Variants in MARK3 observed in about 807,000 individuals in gnomAD.
MARK3 encodes the protein MAP/microtubule affinity-regulating kinase 3.
MARK3 carries 46 observed loss-of-function variants against 90.1 expected under a neutral mutation model. That is an observed-to-expected ratio of 0.51 (90% CI 0.40 to 0.65). The LOEUF (loss-of-function observed/expected upper bound fraction) is 0.65. Among genes scored for constraint, MARK3 ranks in the 30% least tolerant of loss-of-function variants. The pLI is 0.00. For missense variants in MARK3, 818 were observed against 947.2 expected, an observed-to-expected ratio of 0.86 and a Z score of 1.79; for synonymous variants, 321 against 332.6, an observed-to-expected ratio of 0.97 and a Z score of 0.38.
chr14:103,484,806 A>C (rs1328770715), intron 14 of MARK3, among the ~76,000 whole-genome samples: 1 of 151,896 alleles, frequency 6.6e-6, no homozygotes, highest in African/African-American at 2.4e-5. Context: ...CTGTAGTCCC[A>C]GCTACTTGGG....
intron 13 of MARK3, among the ~76,000 whole-genome samples, chr14:103,476,509 TAATATTTACTA>T (rs749060469): frequency 1.5e-5 from 2 of 136,634 alleles, no homozygotes; most frequent in Non-Finnish European, 1.7e-5. Flanking sequence ...AGTAAGTAGA[TAATATTTACTA>T]AATTAAATTG....
At chr14:103,476,079 T>C (rs567442356) in intron 13 of MARK3, among the ~76,000 whole-genome samples, 1 of 152,164 alleles carries the variant, frequency 6.6e-6, no homozygotes, top group African/African-American at 2.4e-5. Flanking sequence ...GGGGACACAT[T>C]CAGAGCATAG....
intron 15 of MARK3, among the ~76,000 whole-genome samples, chr14:103,498,100 C>G (rs940268815): frequency 7.2e-5 from 11 of 152,134 alleles, no homozygotes; most frequent in South Asian, 2.1e-4. Flanking sequence ...GCCTGTGATT[C>G]CAGCTACTCA....
At position 103,473,073 on chromosome 14, in the gene MARK3, C is replaced by T. The variant is rs150107925; in HGVS notation, c.1265-1920C>T. 1.3e-3 allele frequency among the ~76,000 whole-genome samples: 205 copies of T among 151,918 alleles called. 1 individual carries two copies. Among genetic ancestry groups the T allele is most frequent in the African/African-American group, 4.7e-3 (194 of 41,428 alleles). On this transcript the variant is annotated intron_variant, in intron 12 of 17. Transcript: ENST00000429436. ...GATGGATCTCAAGGGAATTATACTGCATGAAAGTACACAAAAGGTTACATT... is the reference window on the plus strand; with the variant it reads ...GATGGATCTCAAGGGAATTATACTGTATGAAAGTACACAAAAGGTTACATT...
chr14:103,491,874 C>G lies in MARK3; in HGVS notation c.1684C>G (p.Arg562Gly). The change falls in exon 15 of 18, where the codon CGT (arginine) becomes GGT (glycine). Residue 562 changes from arginine (R) to glycine (G), a missense_variant. By Grantham distance (125) the Arg-to-Gly change is moderately radical. Transcript: ENST00000429436. ...RIRFPRGTAS[R>G]STFHGQPRER... ...CCGCTTCCCAAGAGGCACTGCCAGT[C>G]GTAGCACTTTCCACGGCCAGCCCCG... 6.2e-7 allele frequency: 1 copy of G among 1,614,186 alleles called. No homozygotes were observed. Among genetic ancestry groups the G allele is most frequent in the Non-Finnish European group, 8.5e-7 (1 of 1,180,038 alleles).
At chr14:103,482,846 C>A (rs1159136182) in intron 14 of MARK3, among the ~76,000 whole-genome samples, 1 of 152,102 alleles carries the variant, frequency 6.6e-6, no homozygotes, top group Non-Finnish European at 1.5e-5. Flanking sequence ...TTGTTGGGGC[C>A]AACTCTTTCA....
intron 14 of MARK3, 46 bp downstream of exon 14, chr14:103,480,536 G>T: frequency 1.7e-6 from 2 of 1,144,706 alleles, no homozygotes; most frequent in Non-Finnish European, 2.6e-6. Context: ...TTTCCCAAGA[G>T]AAATGGAAGC....
At position 103,405,242 on chromosome 14, in the gene MARK3, C is replaced by G; in HGVS notation, c.218C>G (p.Ala73Gly). ...GGGAATTTTGCAAAAGTAAAATTGG[C>G]AAGACATATCCTTACAGGCAGAGAG... Reference protein sequence around the residue: ...GKGNFAKVKLARHILTGREVA... With the variant: ...GKGNFAKVKLGRHILTGREVA... Residue 73 changes from alanine (A) to glycine (G), a missense_variant, in exon 2 of 18, where the codon GCA becomes GGA. Physicochemically the swap from Ala to Gly is moderately conservative, Grantham distance 60. Around this residue, in one of 3 missense-constraint regions of MARK3, gnomAD observed 157 missense variants for 158.7 expected, o/e 0.99. Coordinates refer to ENST00000429436, the MANE Select transcript of MARK3 (RefSeq NM_001128918.3). 1 of 1,561,076 alleles carries G rather than the reference C, an allele frequency of 6.4e-7. No individual in the cohort carries two copies. The highest frequency in any genetic ancestry group is 8.7e-7 in the Non-Finnish European group (1 of 1,155,742).
chr14:103,492,376 T>A (rs1244916886), intron 15 of MARK3, among the ~76,000 whole-genome samples: 1 of 152,090 alleles, frequency 6.6e-6, no homozygotes, highest in Non-Finnish European at 1.5e-5. Flanking sequence ...GGGCTGGCAC[T>A]CTGTAACAAT....
chr14:103,437,838 T>C (rs572882182), intron 3 of MARK3, among the ~76,000 whole-genome samples: 4 of 152,260 alleles, frequency 2.6e-5, no homozygotes, highest in African/African-American at 9.6e-5. Context: ...AGCCATCCTT[T>C]CATTGTAGAG....
chr14:103,488,245 G>A (rs956091909), intron 14 of MARK3, among the ~76,000 whole-genome samples: 1 of 152,132 alleles, frequency 6.6e-6, no homozygotes, highest in Non-Finnish European at 1.5e-5. Flanking sequence ...TCCAGGGCTA[G>A]AGTTACGGTC....
In MARK3 at chr14:103,385,778, C is replaced by A. The variant is rs1009146718; in HGVS notation, c.-252C>A. 6 of 397,520 alleles carry A rather than the reference C, an allele frequency of 1.5e-5. No individual in the cohort carries two copies. The highest frequency in any genetic ancestry group is 2.2e-5 in the Non-Finnish European group (5 of 225,450). The allele number at this position is 397,520 out of a possible 1,614,324, so 24.6% of individuals were successfully genotyped here. A position where few individuals can be genotyped will look rare whatever the true frequency, so the allele number is the denominator to read the frequency against. On this transcript the variant is annotated 5_prime_UTR_variant, in exon 1 of 18. Coordinates refer to ENST00000429436, the MANE Select transcript of MARK3 (RefSeq NM_001128918.3). Reference sequence around the variant, plus strand: ...AAGCGCAGCCCGCCGCCCGCAGGCTCGGCTCCGCCACTGCCGCCCTCCCGG... The same window carrying A: ...AAGCGCAGCCCGCCGCCCGCAGGCTAGGCTCCGCCACTGCCGCCCTCCCGG...
intron 3 of MARK3, among the ~76,000 whole-genome samples, chr14:103,436,442 C>G (rs1019314124): frequency 2.2e-5 from 3 of 136,364 alleles, no homozygotes; most frequent in Non-Finnish European, 3.2e-5. Context: ...CTTTCTCTTT[C>G]ATTTTCTTAT....
intron 12 of MARK3, among the ~76,000 whole-genome samples, chr14:103,472,135 G>A (rs187875937): frequency 1.3e-4 from 19 of 151,478 alleles, no homozygotes; most frequent in Non-Finnish European, 2.4e-4. Context: ...GGATGAACCC[G>A]GGAGGCGGAG....
At chr14:103,472,764 T>C (rs2093650795) in intron 12 of MARK3, among the ~76,000 whole-genome samples, 1 of 152,096 alleles carries the variant, frequency 6.6e-6, no homozygotes, top group East Asian at 1.9e-4. Flanking sequence ...TCCCAACACT[T>C]TGAGAGGCCG....
At chr14:103,411,125 T>C (rs2091604318) in intron 2 of MARK3, among the ~76,000 whole-genome samples, 1 of 152,068 alleles carries the variant, frequency 6.6e-6, no homozygotes, top group Non-Finnish European at 1.5e-5. Flanking sequence ...ATACAAAAAA[T>C]TAGCTGGGCA....
intron 5 of MARK3, among the ~76,000 whole-genome samples, chr14:103,453,420 A>G (rs573374321): frequency 1.3e-5 from 2 of 152,350 alleles, no homozygotes; most frequent in East Asian, 1.9e-4. Context: ...ACTTTGATCC[A>G]TGTTACAAAA....
intron 2 of MARK3, among the ~76,000 whole-genome samples, chr14:103,410,269 G>C (rs2091553374): frequency 6.6e-6 from 1 of 152,154 alleles, no homozygotes; most frequent in Admixed American, 6.5e-5. Context: ...GTGATGGAAG[G>C]GCAAAGAGTG....
chr14:103,462,657 A>G (rs996718187), intron 7 of MARK3, among the ~76,000 whole-genome samples, 196 bp downstream of exon 7: 19 of 152,220 alleles, frequency 1.2e-4, no homozygotes, highest in African/African-American at 4.6e-4. Context: ...AGTATTTTAC[A>G]TTTCAGTTAC....
Sources: gnomAD v4.1 joint callset for allele counts (sites outside exome capture counted in the v4.1 genomes callset) on GRCh38, gnomAD v4.1.1 for gene constraint, gnomAD v4.1.1 regional missense constraint, MANE v1.5 for transcripts, NCBI Gene and HGNC (gene_info 2026-07-23, HGNC 2026-07-21) for gene names.